Variants in LRRTM3 observed in about 807,000 individuals in gnomAD.
LRRTM3 encodes the protein leucine-rich repeat transmembrane neuronal protein 3.
LRRTM3 carries 24 observed loss-of-function variants against 44.7 expected under a neutral mutation model. The observed-to-expected ratio is 0.54, with a 90% confidence interval of 0.39 to 0.76. The LOEUF (loss-of-function observed/expected upper bound fraction) is 0.76. Ranked by LOEUF, LRRTM3 falls within the 30% of genes least tolerant of loss-of-function variation. The pLI, the probability that LRRTM3 is intolerant of heterozygous loss-of-function variation, is 0.00. For synonymous variants in LRRTM3, 277 were observed against 278.7 expected (o/e 0.99, Z 0.06); for missense variants, 587 against 702.2 (o/e 0.84, Z 1.85).
At chr10:67,092,441 G>C (rs1174750005) in intron 2 of LRRTM3, among the ~76,000 whole-genome samples, 1 of 151,916 alleles carries the variant, frequency 6.6e-6, no homozygotes, top group Non-Finnish European at 1.5e-5. Context: ...CTGTTCTTCA[G>C]AGTATTTTGT....
At chr10:66,948,729 T>G (rs1016541179) in intron 2 of LRRTM3, among the ~76,000 whole-genome samples, 1 of 152,208 alleles carries the variant, frequency 6.6e-6, no homozygotes, top group Non-Finnish European at 1.5e-5. Context: ...ACATATTAAA[T>G]GATAACAATC....
intron 2 of LRRTM3, among the ~76,000 whole-genome samples, chr10:67,014,063 T>G (rs1852506309): frequency 6.6e-6 from 1 of 152,150 alleles, no homozygotes; most frequent in African/African-American, 2.4e-5. Flanking sequence ...AAATAACCTT[T>G]TTTCCCCTTA....
chr10:67,048,073 G>A (rs1436715154), intron 2 of LRRTM3, among the ~76,000 whole-genome samples: 1 of 151,990 alleles, frequency 6.6e-6, no homozygotes, highest in African/African-American at 2.4e-5. Flanking sequence ...TCTCTAAATA[G>A]TCTAGAACAA....
At chr10:67,056,523 A>G (rs1855441199) in intron 2 of LRRTM3, among the ~76,000 whole-genome samples, 2 of 152,158 alleles carry the variant, frequency 1.3e-5, no homozygotes, top group Admixed American at 1.3e-4. Context: ...CTGTATCTGT[A>G]AACACTGTAC....
rs760637632 is a variant in LRRTM3, at chr10:66,928,377, C to G, written c.1461C>G (p.Asn487Lys). ...QEFYVDYKPTNTETSEMLLNG... is the reference protein window; with the variant it reads ...QEFYVDYKPTKTETSEMLLNG... ...TTTATGTAGATTATAAACCCACCAA[C>G]ACGGAGACCAGCGAGATGCTGCTGA... is the stretch of plus-strand genomic sequence containing the variant. Residue 487 changes from asparagine to lysine, a missense_variant, in exon 2 of 3, where the codon AAC (asparagine) becomes AAG (lysine). Physicochemically the swap from Asn to Lys is moderately conservative, Grantham distance 94 (BLOSUM62 0). This residue lies in a region of LRRTM3 where 315 missense variants were observed against 335.6 expected (regional missense o/e 0.94). Transcript: ENST00000361320. The G allele has an allele frequency of 3.2e-5, 51 of 1,614,166 alleles. No homozygotes were observed. The Admixed American group carries it at 3.5e-4, about 11-fold the overall frequency.
chr10:66,992,985 T>C (rs1466622905), intron 2 of LRRTM3, among the ~76,000 whole-genome samples: 1 of 152,156 alleles, frequency 6.6e-6, no homozygotes, highest in Non-Finnish European at 1.5e-5. Context: ...CAGTTATTTA[T>C]TGCTGCAAAA....
In LRRTM3 at chr10:67,005,687, T is replaced by TTTTTGTTTGTTTGTTTG. The variant is rs1554895954; in HGVS notation, c.1536+77239_1536+77240insGTTTGTTTGTTTGTTTT. Among the ~76,000 whole-genome samples the TTTTTGTTTGTTTGTTTG allele has an allele frequency of 5.2e-4, 53 of 102,322 alleles. 3 individuals are homozygous for TTTTTGTTTGTTTGTTTG. Among genetic ancestry groups the TTTTTGTTTGTTTGTTTG allele is most frequent in the African/African-American group, 1.5e-3 (49 of 32,448 alleles). The allele number at this position is 102,322 out of a possible 152,430, so 67.1% of individuals were successfully genotyped here. On this transcript the variant is annotated intron_variant, in intron 2 of 2. Coordinates refer to ENST00000361320, the MANE Select transcript of LRRTM3 (RefSeq NM_178011.5). ...TTTTGTTTATTTTACTCCATCTTTT[T>TTTTTGTTTGTTTGTTTG]TTTTTTTTTTTTTTTTGAGACGGAG...
At chr10:67,076,419 C>T (rs1179715381) in intron 2 of LRRTM3, among the ~76,000 whole-genome samples, 1 of 152,224 alleles carries the variant, frequency 6.6e-6, no homozygotes, top group African/African-American at 2.4e-5. Flanking sequence ...CCACCTGCAT[C>T]ATAATCCACA....
At chr10:66,963,498 A>G (rs1849235176) in intron 2 of LRRTM3, among the ~76,000 whole-genome samples, 2 of 152,184 alleles carry the variant, frequency 1.3e-5, no homozygotes, top group South Asian at 4.1e-4. Context: ...TGAGCAAATA[A>G]TAGTGTACTT....
intron 2 of LRRTM3, among the ~76,000 whole-genome samples, chr10:67,036,702 C>T (rs1589641243): frequency 2.0e-5 from 3 of 152,076 alleles, no homozygotes; most frequent in Non-Finnish European, 2.9e-5. Flanking sequence ...GGATAAATAT[C>T]GAGGCTGTGC....
chr10:66,989,906 T>C (rs1180669065), intron 2 of LRRTM3, among the ~76,000 whole-genome samples: 2 of 152,174 alleles, frequency 1.3e-5, no homozygotes, highest in African/African-American at 4.8e-5. Flanking sequence ...CCACAGTTCC[T>C]GGCATTTAGT....
chr10:66,996,606 C>T (rs1851356789), intron 2 of LRRTM3, among the ~76,000 whole-genome samples: 1 of 131,524 alleles, frequency 7.6e-6, no homozygotes, highest in African/African-American at 3.0e-5. Context: ...CAAGATCGCA[C>T]CACTGCATTC....
In LRRTM3 at chr10:67,101,283, T is replaced by C. The variant is rs1305532475; in HGVS notation, c.*3487T>C. On this transcript the variant is annotated 3_prime_UTR_variant, in exon 3 of 3. Transcript: ENST00000361320. ...ACTGCATAATTATAAAAGAGATCCA[T>C]AGTACAGGGTTGAACACATGTTCAA... Among the ~76,000 whole-genome samples, 1 of 151,666 alleles carries C rather than the reference T, an allele frequency of 6.6e-6. No homozygotes were observed. Among genetic ancestry groups the C allele is most frequent in the African/African-American group, 2.4e-5 (1 of 41,376 alleles).
rs1028084836 is a variant in LRRTM3 at position 67,066,278 on chromosome 10, C to T, written c.1537-31309C>T. ...CACCATCTCAGCTCACTGCAACCTC[C>T]GCCTCCCGGGTTCAAGAGATTCTCC... On this transcript the variant is annotated intron_variant, in intron 2 of 2. Transcript: ENST00000361320. Among the ~76,000 whole-genome samples, 20 of 150,898 alleles carry T rather than the reference C, an allele frequency of 1.3e-4. No homozygotes were observed. The East Asian group carries it at 2.0e-3, about 15-fold the overall frequency.
At chr10:67,002,851 A>G (rs1197129041) in intron 2 of LRRTM3, among the ~76,000 whole-genome samples, 1 of 152,180 alleles carries the variant, frequency 6.6e-6, no homozygotes, top group East Asian at 1.9e-4. Context: ...TAAATAAAAA[A>G]CAATTTTTTA....
At chr10:67,094,413 G>T (rs530731081) in intron 2 of LRRTM3, among the ~76,000 whole-genome samples, 31 of 151,692 alleles carry the variant, frequency 2.0e-4, no homozygotes, top group Non-Finnish European at 3.8e-4. Flanking sequence ...TAAAATACAT[G>T]ATAGCAATTG....
At chr10:67,079,263 C>T (rs1856910014) in intron 2 of LRRTM3, among the ~76,000 whole-genome samples, 2 of 152,242 alleles carry the variant, frequency 1.3e-5, no homozygotes, top group Admixed American at 6.5e-5. Context: ...GGGAAGAGTC[C>T]TAGGAATTTA....
chr10:67,097,286 C>T (rs117828880), intron 2 of LRRTM3, among the ~76,000 whole-genome samples: 3,572 of 151,930 alleles, frequency 0.024, 54 homozygotes, highest in Non-Finnish European at 0.036. Context: ...TCCCAGTTAG[C>T]GAAAGCAATT....
intron 2 of LRRTM3, among the ~76,000 whole-genome samples, chr10:67,074,254 T>A (rs1564872998): frequency 6.6e-6 from 1 of 151,470 alleles, no homozygotes; most frequent in Non-Finnish European, 1.5e-5. Flanking sequence ...ATGGTCTTGA[T>A]CTCTCGACCT....
Sources: gnomAD v4.1 joint callset for allele counts (sites outside exome capture counted in the v4.1 genomes callset) on GRCh38, gnomAD v4.1.1 for gene constraint, gnomAD v4.1.1 regional missense constraint, MANE v1.5 for transcripts, NCBI Gene and HGNC (gene_info 2026-07-23, HGNC 2026-07-21) for gene names.